Variants in PELO observed in about 807,000 individuals in gnomAD.
The protein encoded by PELO is protein pelota homolog.
In PELO, 19 loss-of-function variants were observed where a neutral mutation model predicts 25.9. The ratio of observed to expected loss-of-function variants is 0.73; its 90% CI spans 0.51 to 1.08. The LOEUF is 1.08. PELO is among the 50% of genes least tolerant of loss of function. PELO has a pLI of 0.00. For missense variants in PELO, 498 were observed against 491.4 expected (o/e 1.01, Z -0.13); for synonymous variants, 196 against 192.2 (o/e 1.02, Z -0.16).
Position 52,788,425 on chromosome 5 carries a change from C to A in PELO, c.-511+11C>A. ...GCTGGCTCCTCACTGGTGAGCGACT[C>A]GCTTTTCTCTGAGCATCTCCTGCTC... On this transcript the variant is annotated intron_variant, in intron 1 of 2. Coordinates refer to ENST00000274311, the MANE Select transcript of PELO (RefSeq NM_015946.5). 1 of 1,504,332 alleles carries A rather than the reference C, an allele frequency of 6.6e-7. No homozygotes were observed. Among genetic ancestry groups the A allele is most frequent in the African/African-American group, 1.4e-5 (1 of 69,348 alleles). The allele number at this position is 1,504,332 out of a possible 1,614,324, so 93.2% of individuals were successfully genotyped here.
chr5:52,798,876 GTAGCTTT>G (rs1748398388), intron 1 of PELO, among the ~76,000 whole-genome samples: 1 of 152,184 alleles, frequency 6.6e-6, no homozygotes. Flanking sequence ...AGCGAGGTGT[GTAGCTTT>G]TCATCTGGTA....
chr5:52,790,942 C>T (rs1043746609), intron 1 of PELO, among the ~76,000 whole-genome samples: 9 of 152,124 alleles, frequency 5.9e-5, no homozygotes, highest in African/African-American at 1.4e-4. Context: ...TTTTATACAT[C>T]GAGAAAAGAA....
intron 1 of PELO, among the ~76,000 whole-genome samples, chr5:52,789,789 G>A (rs2111636548): frequency 6.6e-6 from 1 of 152,274 alleles, no homozygotes; most frequent in Middle Eastern, 3.4e-3. Context: ...TATCCAAGTT[G>A]TACTTTTTCA....
At position 52,803,896 on chromosome 5, in the gene PELO, A is replaced by C. The variant is rs1748539404; in HGVS notation, c.*2056A>C. 1 of 152,202 alleles carries C rather than the reference A, an allele frequency of 6.6e-6. No homozygotes were observed. Among genetic ancestry groups the C allele is most frequent in the Admixed American group, 6.5e-5 (1 of 15,270 alleles). 9.4% of individuals were successfully genotyped at this position (152,202 alleles called of 1,614,324 possible). A position where few individuals can be genotyped will look rare whatever the true frequency, so the allele number is the denominator to read the frequency against. On this transcript the variant is annotated 3_prime_UTR_variant, in exon 3 of 3. Coordinates refer to ENST00000274311, the MANE Select transcript of PELO (RefSeq NM_015946.5). ...CTTCCTGTGCTGGTAAATCTCTGGC[A>C]GGGGTCCCCAGTCAGGAAAAAGATT...
At position 52,801,186 on chromosome 5, in the gene PELO, GT is replaced by G. The variant is rs145206065; in HGVS notation, c.726+70del. On this transcript the variant is annotated intron_variant, in intron 2 of 2. Transcript: ENST00000274311. ...GGGATTGGTATAAACTACTCCTAAA[GT>G]TTTAGAACTGGGAAAAATAAGAAGA... 8.9e-4 allele frequency: 1,277 copies of G among 1,440,512 alleles called. 13 individuals are homozygous for G. The African/African-American group carries it at 0.016, about 18-fold the overall frequency. 89.2% of individuals were successfully genotyped at this position (1,440,512 alleles called of 1,614,324 possible).
In PELO at chr5:52,803,057, T is replaced by C. The variant is rs1231213825; in HGVS notation, c.*1217T>C. 1 of 152,244 alleles carries C rather than the reference T, an allele frequency of 6.6e-6. No individual in the cohort carries two copies. The highest frequency in any genetic ancestry group is 1.5e-5 in the Non-Finnish European group (1 of 68,046). 9.4% of individuals were successfully genotyped at this position (152,244 alleles called of 1,614,324 possible). A position where few individuals can be genotyped will look rare whatever the true frequency, so the allele number is the denominator to read the frequency against. On this transcript the variant is annotated 3_prime_UTR_variant, in exon 3 of 3. Transcript: ENST00000274311. ...ATAATTAGGAACGATCTAATAGTGA[T>C]GATACAGTTTTTAACTGCTGGATCA...
chr5:52,791,742 CCT>C (rs1332626138), intron 1 of PELO, among the ~76,000 whole-genome samples: 1 of 59,384 alleles, frequency 1.7e-5, no homozygotes, highest in East Asian at 3.6e-4. Flanking sequence ...TTTTTCACTC[CCT>C]CAGCTTGTTG....
Position 52,789,377 on chromosome 5 carries a change from G to C in PELO, c.-511+963G>C, listed in dbSNP as rs77518522. 4.3e-4 allele frequency among the ~76,000 whole-genome samples: 66 copies of C among 152,190 alleles called. No individual in the cohort carries two copies. In the East Asian group the frequency reaches 0.011, roughly 25 times the overall value. On this transcript the variant is annotated intron_variant, in intron 1 of 2. Coordinates refer to ENST00000274311, the MANE Select transcript of PELO (RefSeq NM_015946.5). Reference sequence around the variant, plus strand: ...CAATTGTTCAGTGTTTTTACTGCTGGCATGGTTATTAGTACTAGTTAATTT... The same window carrying C: ...CAATTGTTCAGTGTTTTTACTGCTGCCATGGTTATTAGTACTAGTTAATTT...
Position 52,788,386 on chromosome 5 carries a change from C to A in PELO, c.-539C>A, listed in dbSNP as rs1189773388. 10 of 1,512,222 alleles carry A rather than the reference C, an allele frequency of 6.6e-6. No individual in the cohort carries two copies. Among genetic ancestry groups the A allele is most frequent in the Admixed American group, 2.1e-5 (1 of 47,378 alleles). 93.7% of individuals were successfully genotyped at this position (1,512,222 alleles called of 1,614,324 possible). On this transcript the variant is annotated 5_prime_UTR_variant, in exon 1 of 3. Coordinates refer to ENST00000274311, the MANE Select transcript of PELO (RefSeq NM_015946.5). ...CTCGGCCCCGCGCCCGCCCAGGGGT[C>A]GCTGTCGCCTGCTGCTGGCTCCTCA...
At chr5:52,789,701 C>T (rs539301212) in intron 1 of PELO, among the ~76,000 whole-genome samples, 1 of 152,300 alleles carries the variant, frequency 6.6e-6, no homozygotes, top group South Asian at 2.1e-4. Flanking sequence ...CATATTTGAC[C>T]TATGATTCTT....
At chr5:52,798,812 CTT>C (rs1386887603) in intron 1 of PELO, among the ~76,000 whole-genome samples, 2 of 152,088 alleles carry the variant, frequency 1.3e-5, no homozygotes, top group East Asian at 3.9e-4. Flanking sequence ...CATAGAAACA[CTT>C]TATGGTAAAG....
At position 52,800,953 on chromosome 5, in the gene PELO, G is replaced by A. The variant is rs1209395373; in HGVS notation, c.559G>A (p.Glu187Lys). ...TGACCGGGCCTTGGAGCGGTTCTATGAACAGGTGGTCCAGGCTATCCAGCG... is the reference window on the plus strand; with the variant it reads ...TGACCGGGCCTTGGAGCGGTTCTATAAACAGGTGGTCCAGGCTATCCAGCG... ...QHDRALERFY[E>K]QVVQAIQRHI... The change falls in exon 2 of 3, where the codon GAA becomes AAA. Residue 187 changes from glutamate to lysine, a missense_variant. Glu to Lys is a moderately conservative substitution (Grantham distance 56). Coordinates refer to ENST00000274311, the MANE Select transcript of PELO (RefSeq NM_015946.5). The A allele has an allele frequency of 6.2e-7, 1 of 1,614,212 alleles. No individual in the cohort carries two copies. Among genetic ancestry groups the A allele is most frequent in the Non-Finnish European group, 8.5e-7 (1 of 1,180,042 alleles).
At chr5:52,790,473 C>T (rs924945577) in intron 1 of PELO, among the ~76,000 whole-genome samples, 13 of 152,194 alleles carry the variant, frequency 8.5e-5, no homozygotes, top group African/African-American at 2.9e-4. Flanking sequence ...AAGATGTCAC[C>T]AGGGCTGCAT....
In PELO at chr5:52,792,098, T is replaced by G. The variant is rs116447454; in HGVS notation, c.-511+3684T>G. Among the ~76,000 whole-genome samples, 1,290 of 152,316 alleles carry G rather than the reference T, an allele frequency of 8.5e-3. 11 individuals are homozygous for G. The highest frequency in any genetic ancestry group is 0.013 in the Non-Finnish European group (914 of 68,020). On this transcript the variant is annotated intron_variant, in intron 1 of 2. Coordinates refer to ENST00000274311, the MANE Select transcript of PELO (RefSeq NM_015946.5). ...TTAGGTGTACAGCATTAAGTGTAAC[T>G]CAAGTAAGACTACTATTTCTCGTTA...
At chr5:52,795,982 T>C (rs1748333876) in intron 1 of PELO, among the ~76,000 whole-genome samples, 1 of 151,948 alleles carries the variant, frequency 6.6e-6, no homozygotes, top group Non-Finnish European at 1.5e-5. Context: ...ACCTCTGAAA[T>C]GGGTCTTAGA....
Position 52,803,797 on chromosome 5 carries a change from G to A in PELO, c.*1957G>A, listed in dbSNP as rs1224373408. On this transcript the variant is annotated 3_prime_UTR_variant, in exon 3 of 3. Coordinates refer to ENST00000274311, the MANE Select transcript of PELO (RefSeq NM_015946.5). Reference sequence around the variant, plus strand: ...ATCTTTTGTAGACCTACTGAGACAGGCGCTACCTGTACCAACATCTCTAGA... The same window carrying A: ...ATCTTTTGTAGACCTACTGAGACAGACGCTACCTGTACCAACATCTCTAGA... The A allele has an allele frequency of 6.6e-6, 1 of 152,068 alleles. No homozygotes were observed. The highest frequency in any genetic ancestry group is 1.5e-5 in the Non-Finnish European group (1 of 68,008). 9.4% of individuals were successfully genotyped at this position (152,068 alleles called of 1,614,324 possible).
At chr5:52,788,842 A>T (rs1283356421) in intron 1 of PELO, among the ~76,000 whole-genome samples, 1 of 150,770 alleles carries the variant, frequency 6.6e-6, no homozygotes, top group Non-Finnish European at 1.5e-5. Flanking sequence ...TCCAGAGTGG[A>T]CATTATTGAA....
chr5:52,803,465 ACT>A lies in PELO; in HGVS notation c.*1629_*1630del, dbSNP rs1177098312. On this transcript the variant is annotated 3_prime_UTR_variant, in exon 3 of 3. Transcript: ENST00000274311. ...GATTTGGAGATTTTTGGACATTTTTACTCTCATAATCTATGCAGTACTGAAAT... is the reference window on the plus strand; with the variant it reads ...GATTTGGAGATTTTTGGACATTTTTACTCATAATCTATGCAGTACTGAAAT... 6.6e-6 allele frequency: 1 copy of A among 152,058 alleles called. No homozygotes were observed. Among genetic ancestry groups the A allele is most frequent in the African/African-American group, 2.4e-5 (1 of 41,392 alleles). 9.4% of individuals were successfully genotyped at this position (152,058 alleles called of 1,614,324 possible). A position where few individuals can be genotyped will look rare whatever the true frequency, so the allele number is the denominator to read the frequency against.
intron 1 of PELO, among the ~76,000 whole-genome samples, chr5:52,797,325 T>A (rs890730625): frequency 3.3e-5 from 5 of 151,890 alleles, no homozygotes; most frequent in South Asian, 4.1e-4. Context: ...TAAAAAAAAA[T>A]TTTTTTAACC....
Sources: gnomAD v4.1 joint callset for allele counts (sites outside exome capture counted in the v4.1 genomes callset) on GRCh38, gnomAD v4.1.1 for gene constraint, MANE v1.5 for transcripts, NCBI Gene and HGNC (gene_info 2026-07-23, HGNC 2026-07-21) for gene names.